The following MTMR9 variants were observed in gnomAD, a reference collection of about 807,000 sequenced individuals.
MTMR9 encodes myotubularin-related protein 9.
Under a neutral mutation model 69.5 loss-of-function variants are expected in MTMR9, and 39 were observed. The observed-to-expected ratio is 0.56, with a 90% CI of 0.43 to 0.73. MTMR9 has a LOEUF of 0.73. MTMR9 is among the 30% of genes least tolerant of loss of function. The pLI is 0.00. For missense variants in MTMR9, 900 were observed against 671.2 expected (o/e 1.34, Z -3.77); for synonymous variants, 354 against 240.8 (o/e 1.47, Z -4.35).
At chr8:11,286,666 CAAAAAAAAAAA>C (rs869105936) in intron 1 of MTMR9, among the ~76,000 whole-genome samples, 1 of 71,664 alleles carries the variant, frequency 1.4e-5, no homozygotes, top group Non-Finnish European at 2.8e-5. Flanking sequence ...AACTCCATCT[CAAAAAAAAAAA>C]AAAAAAAAAA....
intron 6 of MTMR9, among the ~76,000 whole-genome samples, chr8:11,311,430 A>G (rs769608577): frequency 5.3e-5 from 8 of 152,254 alleles, no homozygotes; most frequent in Non-Finnish European, 1.2e-4. Context: ...CCAGAAAACC[A>G]CAGTAAAGCA....
intron 3 of MTMR9, among the ~76,000 whole-genome samples, chr8:11,304,335 A>C (rs1799860181): frequency 6.6e-6 from 1 of 152,194 alleles, no homozygotes; most frequent in Non-Finnish European, 1.5e-5. Context: ...GGGATGCATT[A>C]TCTGGAGTCG....
rs1799698143 is a variant in MTMR9, at chr8:11,300,040, C to G, written c.309C>G (p.Asp103Glu). Residue 103 changes from aspartate (D) to glutamate (E), a missense_variant, in exon 3 of 10, where the codon GAC becomes GAG. Asp to Glu is a conservative substitution (Grantham distance 45). Transcript: ENST00000221086. ...GCCCCCAGGCATTGTCTACTCTGGACTCCATCACTCTGATGTACCCTTTCT... is the reference window on the plus strand; with the variant it reads ...GCCCCCAGGCATTGTCTACTCTGGAGTCCATCACTCTGATGTACCCTTTCT... ...ASSIEALSTL[D>E]SITLMYPFFY... The G allele has an allele frequency of 1.2e-6, 2 of 1,613,098 alleles. No homozygotes were observed. The highest frequency in any genetic ancestry group is 1.7e-6 in the Non-Finnish European group (2 of 1,179,474).
chr8:11,287,883 TATATA>T (rs1344356990), intron 1 of MTMR9, among the ~76,000 whole-genome samples: 136 of 122,864 alleles, frequency 1.1e-3, no homozygotes, highest in African/African-American at 4.6e-3. Flanking sequence ...ATATATAACA[TATATA>T]ATACGTATTA....
At chr8:11,297,763 T>C in intron 2 of MTMR9, 1 of 405,130 alleles carries the variant, frequency 2.5e-6, no homozygotes, top group South Asian at 1.8e-5. Flanking sequence ...TGACTCATTA[T>C]ATAAAAGCCC....
In MTMR9 at chr8:11,323,097, T is replaced by C. The variant is rs1260008388; in HGVS notation, c.*309T>C. On this transcript the variant is annotated 3_prime_UTR_variant, in exon 10 of 10. Transcript: ENST00000221086. ...TTCATGCCATTTTATCCAAAGCTTT[T>C]TCTCTGTGTCCACTCTCCAAACAGC... 5.0e-6 allele frequency: 1 copy of C among 201,070 alleles called. No individual in the cohort carries two copies. Among genetic ancestry groups the C allele is most frequent in the Non-Finnish European group, 1.0e-5 (1 of 100,180 alleles). The allele number at this position is 201,070 out of a possible 1,614,324, so 12.5% of individuals were successfully genotyped here. A position where few individuals can be genotyped will look rare whatever the true frequency, so the allele number is the denominator to read the frequency against.
intron 1 of MTMR9, among the ~76,000 whole-genome samples, chr8:11,290,594 G>A (rs1799347616): frequency 6.6e-6 from 1 of 152,018 alleles, no homozygotes. Flanking sequence ...TTCATTTTTA[G>A]GTCTTTAATT....
Position 11,319,795 on chromosome 8 carries a change from C to A in MTMR9, c.1443C>A (p.Val481=), listed in dbSNP as rs766368657. Residue 481 remains valine (V), a synonymous_variant, in exon 9 of 10, where the codon GTC becomes GTA. Coordinates refer to ENST00000221086, the MANE Select transcript of MTMR9 (RefSeq NM_015458.4). ...CCCTCTTTGAAGCCAACAACCTTGT[C>A]ATCTGGCCTTCAGTTGCTCCGCAGA... ...TNPLFEANNL[V]IWPSVAPQSL... 2 of 1,614,176 alleles carry A rather than the reference C, an allele frequency of 1.2e-6. No homozygotes were observed. The highest frequency in any genetic ancestry group is 2.2e-5 in the East Asian group (1 of 44,884).
chr8:11,287,906 CATA>C (rs1006040101), intron 1 of MTMR9, among the ~76,000 whole-genome samples: 2 of 121,960 alleles, frequency 1.6e-5, no homozygotes, highest in Non-Finnish European at 3.2e-5. Flanking sequence ...TTATATATAA[CATA>C]ATATGTATTA....
At position 11,314,985 on chromosome 8, in the gene MTMR9, C is replaced by T. The variant is rs748758553; in HGVS notation, c.1034C>T (p.Ser345Phe). The T allele has an allele frequency of 1.2e-6, 2 of 1,613,922 alleles. No homozygotes were observed. Among genetic ancestry groups the T allele is most frequent in the African/African-American group, 1.3e-5 (1 of 74,910 alleles). ...EGTDSTLQVT[S>F]LAQIILEPRS... ...ACTGATTCCACACTCCAGGTGACCT[C>T]CTTGGCCCAGATCATCTTAGAGCCA... Residue 345 changes from serine (S) to phenylalanine (F), a missense_variant, in exon 7 of 10, where the codon TCC (serine) becomes TTC (phenylalanine). Ser to Phe is a radical substitution (Grantham distance 155). Transcript: ENST00000221086.
intron 3 of MTMR9, among the ~76,000 whole-genome samples, chr8:11,304,167 A>C (rs1418681737): frequency 6.6e-6 from 1 of 152,146 alleles, no homozygotes; most frequent in African/African-American, 2.4e-5. Context: ...GTCCTTACTC[A>C]GTTTGAAATT....
chr8:11,286,188 G>A (rs1799148844), intron 1 of MTMR9, among the ~76,000 whole-genome samples: 1 of 151,448 alleles, frequency 6.6e-6, no homozygotes, highest in Non-Finnish European at 1.5e-5. Flanking sequence ...TCCTGACCTC[G>A]CAATCCTCCC....
At chr8:11,334,593 T>TG in the MTMR9 span, among the ~76,000 whole-genome samples, 1,054 of 152,158 alleles carry the variant, frequency 6.9e-3, 11 homozygotes, top group African/African-American at 0.024. Flanking sequence ...ACAGTCATTA[T>TG]GGGGAAAATG....
intron 8 of MTMR9, chr8:11,319,460 G>A: frequency 1.9e-6 from 1 of 514,480 alleles, no homozygotes; most frequent in South Asian, 2.4e-5. Flanking sequence ...CCTCCTGCCA[G>A]CTTCTTGGAA....
intron 1 of MTMR9, among the ~76,000 whole-genome samples, chr8:11,286,345 C>T (rs1563261679): frequency 6.6e-6 from 1 of 151,840 alleles, no homozygotes; most frequent in African/African-American, 2.4e-5. Flanking sequence ...TCTTATTAGT[C>T]TCCTCAAGCC....
chr8:11,332,577 C>T (rs192110109), downstream of MTMR9, among the ~76,000 whole-genome samples: 10 of 150,318 alleles, frequency 6.7e-5, no homozygotes, highest in Admixed American at 2.7e-4. Flanking sequence ...TAGAAGGGTT[C>T]GATAGAGTTT....
At chr8:11,302,996 C>G (rs924840240) in intron 3 of MTMR9, among the ~76,000 whole-genome samples, 12 of 151,508 alleles carry the variant, frequency 7.9e-5, no homozygotes, top group Non-Finnish European at 1.5e-4. Context: ...ACAATATACT[C>G]ATGGATAGAG....
intron 8 of MTMR9, chr8:11,318,037 C>A (rs565218227): frequency 6.6e-6 from 1 of 152,220 alleles, no homozygotes; most frequent in South Asian, 2.1e-4. Flanking sequence ...AACGCATAAT[C>A]ATTAAAGGCT....
rs1799697368 is a variant in MTMR9 at position 11,300,018 on chromosome 8, C to G, written c.292-5C>G. ...TTTTTGTCTTTCTTTTCTTTTTGCC[C>G]CCAGGCATTGTCTACTCTGGACTCC... On this transcript the variant is annotated splice_region_variant and splice_polypyrimidine_tract_variant and intron_variant, in intron 2 of 9. Transcript: ENST00000221086. 2 of 1,603,914 alleles carry G rather than the reference C, an allele frequency of 1.2e-6. No individual in the cohort carries two copies. The highest frequency in any genetic ancestry group is 1.7e-6 in the Non-Finnish European group (2 of 1,176,536).
Sources: allele counts gnomAD v4.1 joint callset (sites outside exome capture counted in the v4.1 genomes callset), GRCh38; gene constraint gnomAD v4.1.1; transcripts MANE v1.5; gene names NCBI Gene and HGNC (gene_info 2026-07-23, HGNC 2026-07-21).